Variants in LANCL3 observed in about 807,000 individuals in gnomAD.
LANCL3 encodes lanC-like protein 3.
A neutral mutation model predicts 26.5 loss-of-function variants in LANCL3; 19 were observed. The ratio of observed to expected loss-of-function variants is 0.72; its 90% CI spans 0.50 to 1.05. The LOEUF is 1.05. LANCL3 is among the 50% of genes least tolerant of loss of function. LANCL3 has a pLI of 0.00. For missense variants in LANCL3, 318 were observed against 362.7 expected, an observed-to-expected ratio of 0.88 and a Z score of 1.00; for synonymous variants, 160 against 166.6, an observed-to-expected ratio of 0.96 and a Z score of 0.30.
intron 1 of LANCL3, among the ~76,000 whole-genome samples, chrX:37,582,746 T>G (rs1481872897): frequency 9.0e-6 from 1 of 111,689 alleles, no homozygotes; most frequent in African/African-American, 3.3e-5. Context: ...ATTGCAAAAA[T>G]TTTCTCTTAT....
intron 1 of LANCL3, among the ~76,000 whole-genome samples, chrX:37,642,195 G>A (rs1211082603): frequency 8.0e-5 from 9 of 112,206 alleles, no homozygotes; most frequent in Non-Finnish European, 1.7e-4. Flanking sequence ...ACTTTAAAGA[G>A]CTTTAGAGTT....
At chrX:37,674,825 G>C (rs1265594286) in intron 4 of LANCL3, among the ~76,000 whole-genome samples, 1 of 111,058 alleles carries the variant, frequency 9.0e-6, no homozygotes, top group East Asian at 2.8e-4. Flanking sequence ...ATCAGCGCTT[G>C]GGCCTTACCA....
Position 37,629,082 on chromosome X carries a change from T to C in LANCL3, c.574-26606T>C, listed in dbSNP as rs781903354. 5.2e-3 allele frequency among the ~76,000 whole-genome samples: 553 copies of C among 106,506 alleles called. 8 individuals are homozygous for C. The highest frequency in any genetic ancestry group is 0.018 in the African/African-American group (532 of 29,183). 92.5% of individuals were successfully genotyped at this position (106,506 alleles called of 115,157 possible). On this transcript the variant is annotated intron_variant, in intron 1 of 4. Coordinates refer to ENST00000378619, the MANE Select transcript of LANCL3 (RefSeq NM_001170331.2). ...CCCACCAACAGTGTAAAAGTGTTCCTATTTCTCCACATCCTCTCCAGCACC... is the reference window on the plus strand; with the variant it reads ...CCCACCAACAGTGTAAAAGTGTTCCCATTTCTCCACATCCTCTCCAGCACC...
At position 37,667,490 on chromosome X, in the gene LANCL3, G is replaced by T. The variant is rs1418929199; in HGVS notation, c.1103+1G>T. 3 of 1,114,123 alleles carry T rather than the reference G, an allele frequency of 2.7e-6. No homozygotes were observed. The highest frequency in any genetic ancestry group is 3.5e-6 in the Non-Finnish European group (3 of 851,267). The allele number at this position is 1,114,123 out of a possible 1,213,427, so 91.8% of individuals were successfully genotyped here. A position where few individuals can be genotyped will look rare whatever the true frequency, so the allele number is the denominator to read the frequency against. On this transcript the variant is annotated splice_donor_variant, in intron 4 of 4. Coordinates refer to ENST00000378619, the MANE Select transcript of LANCL3 (RefSeq NM_001170331.2). LOFTEE classifies it high-confidence loss of function. Reference sequence around the variant, plus strand: ...CTAAATACATCTACCGAGCTCAAAGGTCAGCTGTTCTTTATGGGTCTTTTT... The same window carrying T: ...CTAAATACATCTACCGAGCTCAAAGTTCAGCTGTTCTTTATGGGTCTTTTT...
chrX:37,610,678 G>A (rs1392230224), intron 1 of LANCL3, among the ~76,000 whole-genome samples: 1 of 111,149 alleles, frequency 9.0e-6, no homozygotes, highest in African/African-American at 3.3e-5. Flanking sequence ...AACACTTCAG[G>A]TCACAGAGCT....
chrX:37,584,325 C>G lies in LANCL3; in HGVS notation c.573+11882C>G, dbSNP rs4701002. Reference sequence around the variant, plus strand: ...CAGGCTTTGGTGTCAGGATGATGCTCGCCTCATAAAATGAGTTAGGGAGGA... The same window carrying G: ...CAGGCTTTGGTGTCAGGATGATGCTGGCCTCATAAAATGAGTTAGGGAGGA... On this transcript the variant is annotated intron_variant, in intron 1 of 4. Coordinates refer to ENST00000378619, the MANE Select transcript of LANCL3 (RefSeq NM_001170331.2). 6.5e-3 allele frequency among the ~76,000 whole-genome samples: 673 copies of G among 103,011 alleles called. 15 individuals carry two copies. Among genetic ancestry groups the G allele is most frequent in the African/African-American group, 0.026 (621 of 23,455 alleles). The allele number at this position is 103,011 out of a possible 115,157, so 89.5% of individuals were successfully genotyped here. A position where few individuals can be genotyped will look rare whatever the true frequency, so the allele number is the denominator to read the frequency against.
intron 1 of LANCL3, among the ~76,000 whole-genome samples, chrX:37,651,528 C>T (rs987964981): frequency 3.8e-4 from 42 of 111,097 alleles, no homozygotes; most frequent in African/African-American, 1.3e-3. Flanking sequence ...TATGCACACT[C>T]ACATTCTTTT....
chrX:37,659,412 C>A, intron 2 of LANCL3, 50 bp from the exon 3 acceptor site: 1 of 954,100 alleles, frequency 1.0e-6, no homozygotes, highest in Non-Finnish European at 1.5e-6. Flanking sequence ...CTAAATCAAA[C>A]TAGCTGTCCT....
chrX:37,645,719 C>T (rs973455115), intron 1 of LANCL3, among the ~76,000 whole-genome samples: 7 of 112,087 alleles, frequency 6.2e-5, no homozygotes, highest in Non-Finnish European at 1.3e-4. Flanking sequence ...CTGCTGCAAC[C>T]AGCCTCTCTA....
At chrX:37,655,556 G>A (rs372002709) in intron 1 of LANCL3, 132 bp from the exon 2 acceptor site, 84 of 450,239 alleles carry the variant, frequency 1.9e-4, no homozygotes, top group East Asian at 1.7e-3. Context: ...ATAAATTTTC[G>A]TTGACTAAGT....
At chrX:37,651,485 C>T (rs782356195) in intron 1 of LANCL3, among the ~76,000 whole-genome samples, 2 of 111,820 alleles carry the variant, frequency 1.8e-5, no homozygotes, top group South Asian at 7.4e-4. Flanking sequence ...AATTAAAAGA[C>T]TTACCAATAT....
intron 1 of LANCL3, among the ~76,000 whole-genome samples, chrX:37,594,702 T>C (rs782596795): frequency 2.7e-5 from 3 of 112,149 alleles, no homozygotes; most frequent in Non-Finnish European, 5.6e-5. Flanking sequence ...ATTGTTTTTG[T>C]TTGTTGAGAG....
At chrX:37,594,236 T>A (rs1347152594) in intron 1 of LANCL3, among the ~76,000 whole-genome samples, 1 of 112,244 alleles carries the variant, frequency 8.9e-6, no homozygotes, top group African/African-American at 3.2e-5. Context: ...TAAAATGCTT[T>A]CAAGTCATTG....
chrX:37,608,729 C>A (rs1177157678), intron 1 of LANCL3, among the ~76,000 whole-genome samples: 1 of 111,865 alleles, frequency 8.9e-6, no homozygotes, highest in Non-Finnish European at 1.9e-5. Flanking sequence ...TCTTGAGAAT[C>A]CAAATCCTCA....
chrX:37,595,892 T>C (rs1426367034), intron 1 of LANCL3, among the ~76,000 whole-genome samples: 2 of 112,075 alleles, frequency 1.8e-5, no homozygotes, highest in East Asian at 5.6e-4. Context: ...CTTGCACTTT[T>C]CCTGTAAAGA....
intron 1 of LANCL3, among the ~76,000 whole-genome samples, chrX:37,622,091 G>T (rs1311972409): frequency 9.0e-6 from 1 of 111,241 alleles, no homozygotes; most frequent in Non-Finnish European, 1.9e-5. Flanking sequence ...CCCTGAGATT[G>T]TTCCCTTCAA....
intron 1 of LANCL3, among the ~76,000 whole-genome samples, chrX:37,584,200 T>C (rs1923989013): frequency 9.0e-6 from 1 of 111,282 alleles, no homozygotes; most frequent in Non-Finnish European, 1.9e-5. Context: ...CTTTTTGATG[T>C]GCTGCTGGAT....
chrX:37,634,969 G>A (rs13441172), intron 1 of LANCL3, among the ~76,000 whole-genome samples: 1,276 of 109,828 alleles, frequency 0.012, 24 homozygotes, highest in African/African-American at 0.041. Flanking sequence ...AAAAATTATA[G>A]GAATAAAAAT....
chrX:37,628,096 C>T (rs1556423373), intron 1 of LANCL3, among the ~76,000 whole-genome samples: 3 of 111,430 alleles, frequency 2.7e-5, no homozygotes, highest in Non-Finnish European at 5.7e-5. Flanking sequence ...CAGCTAAATC[C>T]TTAAATTAGT....
Sources: gnomAD v4.1 joint callset for allele counts (sites outside exome capture counted in the v4.1 genomes callset) on GRCh38, gnomAD v4.1.1 for gene constraint, MANE v1.5 for transcripts, NCBI Gene and HGNC (gene_info 2026-07-23, HGNC 2026-07-21) for gene names.